The following PRTG variants were observed in gnomAD, a reference collection of about 807,000 sequenced individuals.
The protein encoded by PRTG is immunoglobulin superfamily, DCC subclass, member 5.
In PRTG, 67 loss-of-function variants were observed where a neutral mutation model predicts 122.5. That is an observed-to-expected ratio of 0.55 (90% CI 0.45 to 0.67). PRTG has a LOEUF of 0.67. Ranked by LOEUF, PRTG falls within the 30% of genes least tolerant of loss-of-function variation. PRTG has a pLI of 0.00. For synonymous variants in PRTG, 554 were observed against 501.1 expected (o/e 1.11, Z -1.41); for missense variants, 1,435 against 1,415.4 (o/e 1.01, Z -0.22).
intron 2 of PRTG, among the ~76,000 whole-genome samples, chr15:55,707,369 G>T (rs2030172226): frequency 6.6e-6 from 1 of 152,136 alleles, no homozygotes; most frequent in African/African-American, 2.4e-5. Context: ...TCCCTAAAGG[G>T]TTTCAACAAC....
rs752344266 is a variant in PRTG, at chr15:55,614,469, T to C, written c.*5543A>G. ...AGAAAACAAAGAATAAACTTGAGCA[T>C]GGTCCTGTTCATCACTCTGAGTTCC... On this transcript the variant is annotated 3_prime_UTR_variant, in exon 20 of 20. Coordinates refer to ENST00000389286, the MANE Select transcript of PRTG (RefSeq NM_173814.6). 5 of 152,104 alleles carry C rather than the reference T, an allele frequency of 3.3e-5. No homozygotes were observed. The highest frequency in any genetic ancestry group is 7.4e-5 in the Non-Finnish European group (5 of 67,972). 9.4% of individuals were successfully genotyped at this position (152,104 alleles called of 1,614,324 possible).
At chr15:55,732,993 C>G (rs891204234) in intron 2 of PRTG, among the ~76,000 whole-genome samples, 1 of 151,956 alleles carries the variant, frequency 6.6e-6, no homozygotes, top group African/African-American at 2.4e-5. Context: ...GGGCAGACCA[C>G]GAGGTCAAGA....
In PRTG at chr15:55,743,049, G is replaced by C. The variant is rs2031671799; in HGVS notation, c.-118C>G. 19 of 1,308,888 alleles carry C rather than the reference G, an allele frequency of 1.5e-5. No individual in the cohort carries two copies. Among genetic ancestry groups the C allele is most frequent in the Non-Finnish European group, 1.7e-5 (18 of 1,033,662 alleles). The allele number at this position is 1,308,888 out of a possible 1,614,324, so 81.1% of individuals were successfully genotyped here. A position where few individuals can be genotyped will look rare whatever the true frequency, so the allele number is the denominator to read the frequency against. On this transcript the variant is annotated 5_prime_UTR_variant, in exon 1 of 20. Coordinates refer to ENST00000389286, the MANE Select transcript of PRTG (RefSeq NM_173814.6). ...CGCACGCAGCCTGGCTCCCCGCTCC[G>C]GCTCCGGCACCGGCGTGGCGAGCGT...
At chr15:55,741,007 T>G (rs1251798798) in intron 1 of PRTG, among the ~76,000 whole-genome samples, 3 of 152,244 alleles carry the variant, frequency 2.0e-5, no homozygotes, top group African/African-American at 7.2e-5. Context: ...CTGTTTGCTT[T>G]TACAAGCTTG....
chr15:55,621,399 T>C (rs1204870520), intron 18 of PRTG, among the ~76,000 whole-genome samples: 1 of 151,138 alleles, frequency 6.6e-6, no homozygotes, highest in Non-Finnish European at 1.5e-5. Context: ...GGCTCACGCC[T>C]GTAATCCCAG....
rs1390821406 is a variant in PRTG, at chr15:55,641,259, C to T, written c.2042-51G>A. 6 of 1,352,616 alleles carry T rather than the reference C, an allele frequency of 4.4e-6. No homozygotes were observed. In the Admixed American group the frequency reaches 1.1e-4, roughly 24 times the overall value. The allele number at this position is 1,352,616 out of a possible 1,614,324, so 83.8% of individuals were successfully genotyped here. A position where few individuals can be genotyped will look rare whatever the true frequency, so the allele number is the denominator to read the frequency against. On this transcript the variant is annotated intron_variant, in intron 11 of 19. Transcript: ENST00000389286. Reference sequence around the variant, plus strand: ...TTAGGACCAGGTCTCTAGATCTGAGCAAAGGTTCTGAATGAAGCCTTTATA... The same window carrying T: ...TTAGGACCAGGTCTCTAGATCTGAGTAAAGGTTCTGAATGAAGCCTTTATA...
intron 15 of PRTG, among the ~76,000 whole-genome samples, chr15:55,630,883 A>C (rs1595604984): frequency 6.6e-6 from 1 of 152,264 alleles, no homozygotes; most frequent in African/African-American, 2.4e-5. Flanking sequence ...GCAACCTTAC[A>C]ATAGCTTCAA....
chr15:55,630,590 C>T (rs940311980), intron 15 of PRTG, among the ~76,000 whole-genome samples: 1 of 152,214 alleles, frequency 6.6e-6, no homozygotes. Context: ...TGAATTTATA[C>T]ATGACATTTG....
chr15:55,680,122 T>C lies in PRTG; in HGVS notation c.905A>G (p.Tyr302Cys). The change falls in exon 6 of 20, where the codon TAT becomes TGT. Residue 302 changes from tyrosine to cysteine, a missense_variant. Physicochemically the swap from Tyr to Cys is radical, Grantham distance 194. Coordinates refer to ENST00000389286, the MANE Select transcript of PRTG (RefSeq NM_173814.6). ...SDVRLQHAGV[Y>C]VCRATTPGTR... ...GCCAGGGGTAGTGGCCCGACAAACA[T>C]ATACTCCAGCATGTTGTAGCCTGAC... The C allele has an allele frequency of 6.2e-7, 1 of 1,613,590 alleles. No individual in the cohort carries two copies. The highest frequency in any genetic ancestry group is 1.1e-5 in the South Asian group (1 of 91,062).
intron 11 of PRTG, among the ~76,000 whole-genome samples, chr15:55,657,209 T>TCC (rs918884085): frequency 1.3e-5 from 2 of 152,210 alleles, no homozygotes; most frequent in African/African-American, 4.8e-5. Flanking sequence ...AAAGTGTGTC[T>TCC]CCTTACTTCT....
At chr15:55,629,434 T>TGC (rs2059215281) in intron 15 of PRTG, among the ~76,000 whole-genome samples, 1 of 145,012 alleles carries the variant, frequency 6.9e-6, no homozygotes, top group Admixed American at 7.0e-5. Flanking sequence ...TGTGTGTGTG[T>TGC]GTAATGTTTT....
chr15:55,715,381 T>C (rs1431732814), intron 2 of PRTG, among the ~76,000 whole-genome samples: 1 of 152,242 alleles, frequency 6.6e-6, no homozygotes, highest in African/African-American at 2.4e-5. Context: ...ATTGATTCAT[T>C]GATTCTATAA....
intron 11 of PRTG, among the ~76,000 whole-genome samples, chr15:55,658,667 A>G (rs1302774706): frequency 3.3e-5 from 5 of 152,190 alleles, no homozygotes; most frequent in Admixed American, 6.5e-5. Flanking sequence ...TTCTGGTAAA[A>G]GAGTATGCAT....
At chr15:55,673,908 T>C (rs1595638703) in intron 9 of PRTG, among the ~76,000 whole-genome samples, 1 of 152,200 alleles carries the variant, frequency 6.6e-6, no homozygotes, top group South Asian at 2.1e-4. Flanking sequence ...ACTGTGGCTG[T>C]GATTGTTTTG....
At chr15:55,723,946 T>C (rs575456102) in intron 2 of PRTG, among the ~76,000 whole-genome samples, 1 of 152,020 alleles carries the variant, frequency 6.6e-6, no homozygotes, top group East Asian at 1.9e-4. Flanking sequence ...AGAGGTGGGG[T>C]TTCACCATGT....
intron 15 of PRTG, among the ~76,000 whole-genome samples, chr15:55,633,576 C>T (rs1400966219): frequency 6.6e-6 from 1 of 152,046 alleles, no homozygotes; most frequent in African/African-American, 2.4e-5. Context: ...ATGTATAAAC[C>T]TAATGAGAAA....
intron 2 of PRTG, among the ~76,000 whole-genome samples, chr15:55,704,946 T>A (rs1046150756): frequency 1.3e-5 from 2 of 152,200 alleles, no homozygotes; most frequent in Non-Finnish European, 2.9e-5. Context: ...TTTAATATTG[T>A]AACTTTTTTA....
At chr15:55,674,078 A>G (rs192595686) in intron 9 of PRTG, among the ~76,000 whole-genome samples, 31 of 152,364 alleles carry the variant, frequency 2.0e-4, no homozygotes, top group Non-Finnish European at 4.4e-5. Flanking sequence ...TAATATTTTG[A>G]AGTGTAAGAG....
intron 2 of PRTG, among the ~76,000 whole-genome samples, chr15:55,730,555 C>T (rs1032576692): frequency 3.3e-5 from 5 of 152,046 alleles, no homozygotes; most frequent in Admixed American, 2.0e-4. Context: ...AATCCCAGCA[C>T]TTTGGGAGGC....
Sources: gnomAD v4.1 joint callset for allele counts (sites outside exome capture counted in the v4.1 genomes callset) on GRCh38, gnomAD v4.1.1 for gene constraint, MANE v1.5 for transcripts, NCBI Gene and HGNC (gene_info 2026-07-23, HGNC 2026-07-21) for gene names.